The following CSMD1 variants were observed in gnomAD, a reference collection of about 807,000 sequenced individuals.
The protein encoded by CSMD1 is CUB and Sushi multiple domains 1, also known as CUB and sushi domain-containing protein 1.
In CSMD1, 213 loss-of-function variants were observed where a neutral mutation model predicts 417.5. The ratio of observed to expected loss-of-function variants is 0.51; its 90% CI spans 0.46 to 0.57. CSMD1 has a LOEUF of 0.57. CSMD1 is among the 20% of genes least tolerant of loss of function. The pLI, the probability that CSMD1 is intolerant of heterozygous loss-of-function variation, is 0.00. For synonymous variants in CSMD1, 2,862 were observed against 1,736.8 expected (o/e 1.65, Z -16.11); for missense variants, 6,923 against 4,529.7 (o/e 1.53, Z -15.17).
intron 3 of CSMD1, among the ~76,000 whole-genome samples, chr8:4,384,982 G>A (rs541134884): frequency 1.6e-4 from 24 of 152,206 alleles, no homozygotes; most frequent in East Asian, 3.9e-4. Context: ...GTGCAATGGC[G>A]CAATCTCGAT....
intron 1 of CSMD1, among the ~76,000 whole-genome samples, chr8:4,958,126 C>T (rs985030162): frequency 5.9e-5 from 9 of 151,628 alleles, no homozygotes; most frequent in African/African-American, 2.2e-4. Context: ...GAGGTCTTTC[C>T]TGTCCTTAGA....
intron 3 of CSMD1, among the ~76,000 whole-genome samples, chr8:4,410,911 G>T (rs7822739): frequency 6.6e-6 from 1 of 152,160 alleles, no homozygotes; most frequent in African/African-American, 2.4e-5. Context: ...TAAGATCAAT[G>T]AATGTCTTTC....
intron 49 of CSMD1, among the ~76,000 whole-genome samples, chr8:3,081,693 A>G (rs2129003344): frequency 6.6e-6 from 1 of 152,302 alleles, no homozygotes; most frequent in South Asian, 2.1e-4. Context: ...TTTGTGGTAG[A>G]GCTGCCTAGT....
intron 3 of CSMD1, among the ~76,000 whole-genome samples, chr8:4,213,458 C>T (rs138082408): frequency 1.0e-3 from 152 of 152,296 alleles, no homozygotes; most frequent in African/African-American, 3.5e-3. Flanking sequence ...GGAACAGTTG[C>T]CCGGATACTG....
At chr8:3,992,836 T>G (rs146786678) in intron 5 of CSMD1, among the ~76,000 whole-genome samples, 1 of 152,364 alleles carries the variant, frequency 6.6e-6, no homozygotes, top group Non-Finnish European at 1.5e-5. Flanking sequence ...TTTTAATTGG[T>G]GGCACTGCAG....
intron 3 of CSMD1, among the ~76,000 whole-genome samples, chr8:4,037,932 T>A (rs933822852): frequency 2.0e-5 from 3 of 152,150 alleles, no homozygotes; most frequent in Non-Finnish European, 4.4e-5. Context: ...AAAAAAAGTT[T>A]TTCAAAATTC....
Position 3,399,460 on chromosome 8 carries a change from T to C in CSMD1, c.2336A>G (p.Lys779Arg), listed in dbSNP as rs759891028. The C allele has an allele frequency of 2.5e-6, 4 of 1,610,512 alleles. No homozygotes were observed. In the Admixed American group the frequency reaches 6.7e-5, roughly 27 times the overall value. ...TATCCATTCACAATGTAAAGAATCC[T>C]TATAATATCCTGGCCATCCAGGAGG... is the stretch of plus-strand genomic sequence containing the variant. Reference protein sequence around the residue: ...ILPPGWPGYYKDSLHCEWIIE... With the variant: ...ILPPGWPGYYRDSLHCEWIIE... The change falls in exon 16 of 70, where the codon AAG (lysine) becomes AGG (arginine). Residue 779 changes from lysine (K) to arginine (R), a missense_variant. Lys to Arg is a conservative substitution (Grantham distance 26). Coordinates refer to ENST00000635120, the MANE Select transcript of CSMD1 (RefSeq NM_033225.6).
chr8:3,705,858 G>A (rs564173864), intron 7 of CSMD1, among the ~76,000 whole-genome samples: 2 of 152,316 alleles, frequency 1.3e-5, no homozygotes, highest in East Asian at 3.9e-4. Flanking sequence ...GAAAAGGAAT[G>A]AGGCCTCCAC....
intron 5 of CSMD1, among the ~76,000 whole-genome samples, chr8:3,909,616 T>A (rs1474136280): frequency 6.6e-6 from 1 of 152,056 alleles, no homozygotes. Flanking sequence ...TCTGTTAGGC[T>A]CAGGAGCTTG....
At chr8:2,960,556 T>G (rs1803365580) in intron 62 of CSMD1, among the ~76,000 whole-genome samples, 1 of 152,350 alleles carries the variant, frequency 6.6e-6, no homozygotes, top group South Asian at 2.1e-4. Context: ...TTCTCCAACG[T>G]TCACTGAAGT....
At chr8:4,056,666 C>G (rs1229862964) in intron 3 of CSMD1, among the ~76,000 whole-genome samples, 1 of 151,932 alleles carries the variant, frequency 6.6e-6, no homozygotes, top group Admixed American at 6.6e-5. Flanking sequence ...GGTATATCTC[C>G]TCATGCTATC....
At chr8:4,146,347 A>C (rs1160433432) in intron 3 of CSMD1, among the ~76,000 whole-genome samples, 1 of 150,708 alleles carries the variant, frequency 6.6e-6, no homozygotes, top group Non-Finnish European at 1.5e-5. Flanking sequence ...ATTCATTCTG[A>C]TAAGCTTCAG....
chr8:4,487,328 A>C (rs1358275951), intron 2 of CSMD1, among the ~76,000 whole-genome samples: 1 of 151,962 alleles, frequency 6.6e-6, no homozygotes, highest in Non-Finnish European at 1.5e-5. Flanking sequence ...CCCTCTCCCC[A>C]CAACAGTCCC....
At chr8:4,802,501 C>T (rs1187185490) in intron 1 of CSMD1, among the ~76,000 whole-genome samples, 1 of 150,274 alleles carries the variant, frequency 6.7e-6, no homozygotes, top group African/African-American at 2.5e-5. Context: ...CAAGACACCA[C>T]TTAAGAAAAG....
At chr8:2,998,312 C>T in intron 53 of CSMD1, 128 bp from the exon 54 acceptor site, 1 of 828,100 alleles carries the variant, frequency 1.2e-6, no homozygotes, top group Non-Finnish European at 1.9e-6. Context: ...AACCAGGCAG[C>T]TTACAGATGG....
At chr8:3,881,367 G>C (rs1248414918) in intron 5 of CSMD1, among the ~76,000 whole-genome samples, 1 of 150,924 alleles carries the variant, frequency 6.6e-6, no homozygotes, top group Non-Finnish European at 1.5e-5. Flanking sequence ...CGGGTGCGGT[G>C]GCTTATGCCT....
Position 4,009,736 on chromosome 8 carries a change from C to T in CSMD1, c.611-11626G>A, listed in dbSNP as rs1024228278. 2.0e-5 allele frequency among the ~76,000 whole-genome samples: 3 copies of T among 152,110 alleles called. No homozygotes were observed. In the East Asian group the frequency reaches 5.8e-4, roughly 29 times the overall value. The stretch of plus-strand genomic sequence containing the variant: ...GGTGGTCAGGATGTACCTACCTCCA[C>T]AGGCGCTCACTCCTCCAGGAGCCAG... On this transcript the variant is annotated intron_variant, in intron 4 of 69. Coordinates refer to ENST00000635120, the MANE Select transcript of CSMD1 (RefSeq NM_033225.6).
At chr8:3,560,399 T>A (rs1166247026) in intron 10 of CSMD1, among the ~76,000 whole-genome samples, 1 of 152,164 alleles carries the variant, frequency 6.6e-6, no homozygotes, top group African/African-American at 2.4e-5. Flanking sequence ...AATTTCAGTG[T>A]CTTTTCTAAG....
intron 2 of CSMD1, among the ~76,000 whole-genome samples, chr8:4,573,759 C>A (rs750316976): frequency 6.6e-6 from 1 of 152,162 alleles, no homozygotes; most frequent in East Asian, 1.9e-4. Context: ...CCCAGGGAGA[C>A]AGGAATTTTA....
Sources: gnomAD v4.1 joint callset for allele counts (sites outside exome capture counted in the v4.1 genomes callset) on GRCh38, gnomAD v4.1.1 for gene constraint, MANE v1.5 for transcripts, NCBI Gene and HGNC (gene_info 2026-07-23, HGNC 2026-07-21) for gene names.